ZRANB3: variants seen among roughly 807,000 people sequenced by gnomAD.
The protein encoded by ZRANB3 is DNA annealing helicase and endonuclease ZRANB3.
In ZRANB3, 125 loss-of-function variants were observed where a neutral mutation model predicts 133.8. The ratio of observed to expected loss-of-function variants is 0.93; its 90% confidence interval spans 0.81 to 1.08. The LOEUF is 1.08. Among genes scored for constraint, ZRANB3 ranks in the 50% least tolerant of loss-of-function variants. The pLI is 0.00. For missense variants in ZRANB3, 1,229 were observed against 1,275.5 expected (o/e 0.96, Z 0.56); for synonymous variants, 387 against 432.7 (o/e 0.89, Z 1.31).
At chr2:135,469,624 GACAA>G (rs1157098686) in intron 2 of ZRANB3, among the ~76,000 whole-genome samples, 1 of 152,070 alleles carries the variant, frequency 6.6e-6, no homozygotes, top group Non-Finnish European at 1.5e-5. Context: ...ACTGGAGGTG[GACAA>G]ACAAACGCCA....
chr2:135,225,301 G>A (rs1336847388), intron 14 of ZRANB3, among the ~76,000 whole-genome samples: 2 of 152,134 alleles, frequency 1.3e-5, no homozygotes, highest in East Asian at 3.8e-4. Flanking sequence ...TTCTCTCACA[G>A]TTCCTCAGTG....
Sources: allele counts gnomAD v4.1 joint callset (sites outside exome capture counted in the v4.1 genomes callset), GRCh38; gene constraint gnomAD v4.1.1; transcripts MANE v1.5; gene names NCBI Gene and HGNC (gene_info 2026-07-23, HGNC 2026-07-21).